Variants in MMP26 observed in about 807,000 individuals in gnomAD.
MMP26 encodes matrix metalloproteinase-26.
Under a neutral mutation model 31.0 loss-of-function variants are expected in MMP26, and 33 were observed. The observed-to-expected ratio is 1.06, with a 90% CI of 0.81 to 1.42. The LOEUF is 1.42. MMP26 is among the 40% of genes most tolerant of loss of function. The probability of loss-of-function intolerance (pLI) is 0.00; values close to 1 mark genes in which losing one functional copy is unlikely to be tolerated. For synonymous variants in MMP26, 122 were observed against 114.9 expected, an observed-to-expected ratio of 1.06 and a Z score of -0.40; for missense variants, 347 against 316.1, an observed-to-expected ratio of 1.10 and a Z score of -0.74.
chr11:4,751,439 C>A (rs922483469), intron 1 of MMP26, among the ~76,000 whole-genome samples: 4 of 152,072 alleles, frequency 2.6e-5, no homozygotes, highest in African/African-American at 7.2e-5. Flanking sequence ...AAAGATGAGC[C>A]TTGAAACCTA....
At chr11:4,986,940 TCTCTCTCTCTCTCTCTCTCC>T (rs1846905794) in intron 2 of MMP26, among the ~76,000 whole-genome samples, 17 of 118,088 alleles carry the variant, frequency 1.4e-4, no homozygotes, top group East Asian at 2.8e-4. Context: ...TCCCTCTCTC[TCTCTCTCTCTCTCTCTCTCC>T]CTCTCTCTCT....
rs1851214864 is a variant in MMP26, at chr11:4,923,472, T to C, written c.-144-64596T>C. 4 of 1,613,490 alleles carry C rather than the reference T, an allele frequency of 2.5e-6. No individual in the cohort carries two copies. In the African/African-American group the frequency reaches 4.0e-5, roughly 16 times the overall value. The stretch of plus-strand genomic sequence containing the variant: ...GTCTTGATGCTGTAGATGATGGGGT[T>C]CATAAGGGGTGGTACCAGCAGATAC... On this transcript the variant is annotated intron_variant, in intron 2 of 7. Transcript: ENST00000380390.
Position 4,988,138 on chromosome 11 carries a change from T to G in MMP26, c.-74T>G. 7.6e-7 allele frequency: 1 copy of G among 1,321,960 alleles called. No homozygotes were observed. The allele number at this position is 1,321,960 out of a possible 1,614,324, so 81.9% of individuals were successfully genotyped here. On this transcript the variant is annotated 5_prime_UTR_variant, in exon 3 of 8. Coordinates refer to ENST00000380390, the MANE Select transcript of MMP26 (RefSeq NM_021801.5). Reference sequence around the variant, plus strand: ...GGCAGAGTGAGTCATTGGATGTTGCTGGCACAGCTATAAAGATCCAGTGGC... The same window carrying G: ...GGCAGAGTGAGTCATTGGATGTTGCGGGCACAGCTATAAAGATCCAGTGGC...
chr11:4,806,042 GA>G lies in MMP26; in HGVS notation c.-145+38712del, dbSNP rs923065061. Among the ~76,000 whole-genome samples the G allele has an allele frequency of 2.1e-3, 316 of 147,406 alleles. 1 individual carries two copies. Among genetic ancestry groups the G allele is most frequent in the Middle Eastern group, 6.9e-3 (2 of 288 alleles). The stretch of plus-strand genomic sequence containing the variant: ...GAACTAATACATGTCTCATTCACTA[GA>G]AAAAAAAAAATCCTGAAAAGAATTT... On this transcript the variant is annotated intron_variant, in intron 2 of 7. Coordinates refer to ENST00000380390, the MANE Select transcript of MMP26 (RefSeq NM_021801.5).
chr11:4,958,310 T>C (rs578142341), intron 2 of MMP26, among the ~76,000 whole-genome samples: 296 of 152,348 alleles, frequency 1.9e-3, no homozygotes, highest in African/African-American at 6.3e-3. Flanking sequence ...GCGCGAACAA[T>C]AAAGCTCACC....
At chr11:4,788,551 A>T (rs1234768182) in intron 2 of MMP26, among the ~76,000 whole-genome samples, 1 of 152,176 alleles carries the variant, frequency 6.6e-6, no homozygotes, top group East Asian at 1.9e-4. Flanking sequence ...ACAGAAAAAA[A>T]ATAGTATCTG....
intron 2 of MMP26, among the ~76,000 whole-genome samples, chr11:4,861,463 A>G (rs1454565396): frequency 6.6e-6 from 1 of 151,428 alleles, no homozygotes; most frequent in East Asian, 1.9e-4. Flanking sequence ...ATATGTTCAT[A>G]TGTGTGTGTG....
chr11:4,964,029 G>C (rs564607765), intron 2 of MMP26, among the ~76,000 whole-genome samples: 4 of 152,218 alleles, frequency 2.6e-5, no homozygotes, highest in African/African-American at 9.6e-5. Context: ...CAGATGGTCA[G>C]ATTGCAAAAA....
At chr11:4,848,394 T>C in intron 2 of MMP26, 2 of 1,613,958 alleles carry the variant, frequency 1.2e-6, no homozygotes, top group Non-Finnish European at 1.7e-6. Context: ...GATTGGCAGC[T>C]CAGGATGGTT....
chr11:4,862,867 C>G (rs1439455883), intron 2 of MMP26, among the ~76,000 whole-genome samples: 3 of 152,150 alleles, frequency 2.0e-5, no homozygotes, highest in African/African-American at 7.2e-5. Context: ...CCCTCCCTCC[C>G]AGAAATGACA....
At chr11:4,903,214 A>G (rs947145305) in intron 2 of MMP26, among the ~76,000 whole-genome samples, 2 of 152,132 alleles carry the variant, frequency 1.3e-5, no homozygotes, top group African/African-American at 4.8e-5. Flanking sequence ...TGAATGCAAT[A>G]TAATGTGGAA....
intron 2 of MMP26, chr11:4,915,478 T>C (rs2133574797): frequency 1.2e-6 from 2 of 1,613,970 alleles, no homozygotes; most frequent in Non-Finnish European, 1.7e-6. Flanking sequence ...GATACATAGG[T>C]TCATGAAGTG....
chr11:4,771,578 C>G (rs1341302593), intron 2 of MMP26, among the ~76,000 whole-genome samples: 1 of 152,032 alleles, frequency 6.6e-6, no homozygotes, highest in African/African-American at 2.4e-5. Flanking sequence ...TTATATTGTT[C>G]AAATCAATTC....
At chr11:4,803,834 C>T (rs1166781686) in intron 2 of MMP26, 4 of 1,612,842 alleles carry the variant, frequency 2.5e-6, no homozygotes, top group Non-Finnish European at 3.4e-6. Context: ...GCCATGTGCT[C>T]ACAGTATGAC....
chr11:4,831,442 A>T lies in MMP26; in HGVS notation c.-145+64101A>T, dbSNP rs148742524. ...AGCCTATCTTTTTCTGTGAATATCCAAAAAGTGAATCATTTTACAATGTGT... is the reference window on the plus strand; with the variant it reads ...AGCCTATCTTTTTCTGTGAATATCCTAAAAGTGAATCATTTTACAATGTGT... On this transcript the variant is annotated intron_variant, in intron 2 of 7. Coordinates refer to ENST00000380390, the MANE Select transcript of MMP26 (RefSeq NM_021801.5). 5.7e-3 allele frequency among the ~76,000 whole-genome samples: 865 copies of T among 152,338 alleles called. 10 individuals are homozygous for T. The highest frequency in any genetic ancestry group is 0.02 in the African/African-American group (822 of 41,586).
At chr11:4,859,042 C>G (rs1850102712) in intron 2 of MMP26, among the ~76,000 whole-genome samples, 1 of 152,132 alleles carries the variant, frequency 6.6e-6, no homozygotes, top group African/African-American at 2.4e-5. Context: ...AAACTGGATC[C>G]CCTCCTTACA....
At chr11:4,820,935 G>C (rs558864076) in intron 2 of MMP26, among the ~76,000 whole-genome samples, 4 of 152,136 alleles carry the variant, frequency 2.6e-5, no homozygotes, top group African/African-American at 9.7e-5. Flanking sequence ...ATATGGGCCT[G>C]TGTGTCCCAG....
chr11:4,848,781 A>C (rs767764181), intron 2 of MMP26: 2 of 1,614,024 alleles, frequency 1.2e-6, no homozygotes, highest in South Asian at 1.1e-5. Context: ...ATTGGTGAGG[A>C]GCGCTGGGTA....
chr11:4,715,749 G>T (rs1847921755), intron 1 of MMP26, among the ~76,000 whole-genome samples: 1 of 152,114 alleles, frequency 6.6e-6, no homozygotes, highest in Non-Finnish European at 1.5e-5. Context: ...TTCTAAAAGG[G>T]CTCTAAAGAT....
Sources: allele counts gnomAD v4.1 joint callset (sites outside exome capture counted in the v4.1 genomes callset), GRCh38; gene constraint gnomAD v4.1.1; transcripts MANE v1.5; gene names NCBI Gene and HGNC (gene_info 2026-07-23, HGNC 2026-07-21).